OPCML: variants seen among roughly 807,000 people sequenced by gnomAD.
OPCML encodes the protein opioid-binding protein/cell adhesion molecule.
In OPCML, 13 loss-of-function variants were observed where a neutral mutation model predicts 37.8. The observed-to-expected ratio is 0.34, with a 90% CI of 0.22 to 0.55. OPCML has a LOEUF of 0.55. Among genes scored for constraint, OPCML ranks in the 20% least tolerant of loss-of-function variants. The pLI is 0.91. For missense variants in OPCML, 341 were observed against 435.6 expected, an observed-to-expected ratio of 0.78 and a Z score of 1.93; for synonymous variants, 176 against 168.8, an observed-to-expected ratio of 1.04 and a Z score of -0.33.
At chr11:132,724,243 G>C (rs1944787947) in intron 2 of OPCML, among the ~76,000 whole-genome samples, 2 of 152,286 alleles carry the variant, frequency 1.3e-5, no homozygotes, top group East Asian at 1.9e-4. Context: ...CTGGAAGAGA[G>C]AGAGAAAATG....
intron 2 of OPCML, among the ~76,000 whole-genome samples, chr11:132,729,805 A>G (rs1449764276): frequency 6.6e-6 from 1 of 152,160 alleles, no homozygotes; most frequent in Non-Finnish European, 1.5e-5. Flanking sequence ...GTCAGGAGAC[A>G]CAGGAAGGAA....
chr11:132,634,755 C>T (rs948222757), intron 3 of OPCML, among the ~76,000 whole-genome samples: 5 of 152,094 alleles, frequency 3.3e-5, no homozygotes, highest in Non-Finnish European at 1.5e-5. Flanking sequence ...GGTTGTAAGG[C>T]ATTCATGACC....
intron 2 of OPCML, among the ~76,000 whole-genome samples, chr11:132,683,093 TAATA>T (rs535648493): frequency 1.3e-5 from 2 of 152,354 alleles, no homozygotes; most frequent in African/African-American, 2.4e-5. Flanking sequence ...CTTTATGCTC[TAATA>T]GAGTATTAAA....
intron 2 of OPCML, among the ~76,000 whole-genome samples, chr11:132,868,453 G>C (rs954080067): frequency 1.3e-5 from 2 of 152,122 alleles, no homozygotes; most frequent in South Asian, 4.1e-4. Flanking sequence ...GTTGTTTTTA[G>C]ACAAGTCACT....
At chr11:133,132,170 C>G (rs1023038366) in intron 1 of OPCML, among the ~76,000 whole-genome samples, 4 of 152,102 alleles carry the variant, frequency 2.6e-5, no homozygotes, top group African/African-American at 7.2e-5. Context: ...CACAGAAACT[C>G]TCATAATTTA....
chr11:133,064,174 G>A (rs1204424645), intron 1 of OPCML, among the ~76,000 whole-genome samples: 1 of 152,196 alleles, frequency 6.6e-6, no homozygotes, highest in East Asian at 1.9e-4. Flanking sequence ...GCGGAGCCCA[G>A]CCGAGGGAGG....
At chr11:132,793,318 G>A (rs1199250743) in intron 2 of OPCML, among the ~76,000 whole-genome samples, 1 of 152,172 alleles carries the variant, frequency 6.6e-6, no homozygotes, top group Non-Finnish European at 1.5e-5. Context: ...GAATCCATCC[G>A]CAGAAATTAC....
rs1281223514 is a variant in OPCML, at chr11:133,376,906, T to C, written c.61+155358A>G. On this transcript the variant is annotated intron_variant, in intron 1 of 7. Coordinates refer to ENST00000524381, the MANE Select transcript of OPCML (RefSeq NM_001012393.5). ...GTGTAACCCAGTACAGGATTCCCTC[T>C]ACAACCATCTTCATGCATGTTTTGC... Among the ~76,000 whole-genome samples, 4 of 152,176 alleles carry C rather than the reference T, an allele frequency of 2.6e-5. No homozygotes were observed. The East Asian group carries it at 7.7e-4, about 29-fold the overall frequency.
intron 2 of OPCML, among the ~76,000 whole-genome samples, chr11:132,760,059 A>C (rs1336256472): frequency 2.0e-5 from 3 of 152,112 alleles, no homozygotes; most frequent in African/African-American, 7.2e-5. Context: ...TTATCTACCC[A>C]GTAGTCATTC....
intron 7 of OPCML, among the ~76,000 whole-genome samples, chr11:132,432,801 A>G (rs1418374787): frequency 2.0e-5 from 3 of 152,362 alleles, no homozygotes; most frequent in East Asian, 3.9e-4. Flanking sequence ...AATATTAAAC[A>G]AAAACAAAAT....
At chr11:133,316,971 G>C (rs2136610343) in intron 1 of OPCML, among the ~76,000 whole-genome samples, 1 of 152,328 alleles carries the variant, frequency 6.6e-6, no homozygotes, top group East Asian at 1.9e-4. Context: ...GCCAAGGTGG[G>C]CAGATCACCT....
At chr11:133,261,523 C>A (rs1349971896) in intron 1 of OPCML, among the ~76,000 whole-genome samples, 8 of 152,284 alleles carry the variant, frequency 5.3e-5, no homozygotes, top group African/African-American at 1.7e-4. Flanking sequence ...TGGCATCAGA[C>A]GAAAGAGTGG....
chr11:133,294,795 T>C (rs544848784), intron 1 of OPCML, among the ~76,000 whole-genome samples: 69 of 147,444 alleles, frequency 4.7e-4, no homozygotes, highest in African/African-American at 1.6e-3. Flanking sequence ...TTCTTTTTTT[T>C]TTTCTTTCTT....
intron 1 of OPCML, among the ~76,000 whole-genome samples, chr11:133,367,591 C>T (rs921056431): frequency 6.6e-5 from 10 of 152,196 alleles, no homozygotes; most frequent in South Asian, 6.2e-4. Context: ...CAGGGCCTTT[C>T]GAGTAAAGCA....
chr11:132,900,806 C>T (rs778944249), intron 2 of OPCML, among the ~76,000 whole-genome samples: 10 of 152,170 alleles, frequency 6.6e-5, no homozygotes, highest in Non-Finnish European at 1.3e-4. Flanking sequence ...TCCAAATCTT[C>T]CTCTCAAATT....
intron 1 of OPCML, among the ~76,000 whole-genome samples, chr11:133,368,830 C>T (rs958236715): frequency 1.3e-5 from 2 of 152,172 alleles, no homozygotes; most frequent in Non-Finnish European, 2.9e-5. Flanking sequence ...CACTTCCTAC[C>T]CAGCATGGTA....
intron 1 of OPCML, among the ~76,000 whole-genome samples, chr11:132,974,528 A>G (rs900200950): frequency 1.3e-5 from 2 of 152,214 alleles, no homozygotes; most frequent in Non-Finnish European, 2.9e-5. Context: ...ATGTGGAAAA[A>G]TAGGAACGCT....
At chr11:133,207,119 T>TAA (rs71038525) in intron 1 of OPCML, among the ~76,000 whole-genome samples, 3,331 of 99,590 alleles carry the variant, frequency 0.033, 68 homozygotes, top group Non-Finnish European at 0.036. Context: ...AACCCTCTAC[T>TAA]AAAAAAAAAA....
chr11:133,502,721 C>T (rs1210598097), intron 1 of OPCML, among the ~76,000 whole-genome samples: 1 of 152,232 alleles, frequency 6.6e-6, no homozygotes, highest in African/African-American at 2.4e-5. Context: ...TTCTGGGCCA[C>T]TTGCTTCCTA....
Sources: allele counts gnomAD v4.1 joint callset (sites outside exome capture counted in the v4.1 genomes callset), GRCh38; gene constraint gnomAD v4.1.1; transcripts MANE v1.5; gene names NCBI Gene and HGNC (gene_info 2026-07-23, HGNC 2026-07-21).